Variants in DNAH11 observed in about 807,000 individuals in gnomAD.
DNAH11 encodes the protein dynein axonemal heavy chain 11.
Under a neutral mutation model 526.0 loss-of-function variants are expected in DNAH11, and 442 were observed. The observed-to-expected ratio is 0.84, with a 90% CI of 0.78 to 0.91. The LOEUF (loss-of-function observed/expected upper bound fraction) is 0.91. Among genes scored for constraint, DNAH11 ranks in the 40% least tolerant of loss-of-function variants. The probability of loss-of-function intolerance (pLI) is 0.00; values close to 1 mark genes in which losing one functional copy is unlikely to be tolerated. For missense variants in DNAH11, 6,989 were observed against 5,448.7 expected (o/e 1.28, Z -8.90); for synonymous variants, 2,461 against 1,935.9 (o/e 1.27, Z -7.12).
chr7:21,678,152 A>C (rs1782978854), intron 30 of DNAH11, among the ~76,000 whole-genome samples: 1 of 150,196 alleles, frequency 6.7e-6, no homozygotes, highest in African/African-American at 2.4e-5. Flanking sequence ...GTCAAGACCA[A>C]AGTCATGAAG....
intron 39 of DNAH11, among the ~76,000 whole-genome samples, chr7:21,706,939 T>A (rs1015295572): frequency 6.6e-6 from 1 of 152,202 alleles, no homozygotes; most frequent in African/African-American, 2.4e-5. Flanking sequence ...ACCTGTTCTG[T>A]GAGTTCTCAT....
At chr7:21,697,383 T>A (rs1280605067) in intron 35 of DNAH11, among the ~76,000 whole-genome samples, 1 of 152,160 alleles carries the variant, frequency 6.6e-6, no homozygotes, top group African/African-American at 2.4e-5. Context: ...TGGCAGTGGC[T>A]GGCACAAGCT....
At chr7:21,814,808 C>T (rs1370090601) in intron 63 of DNAH11, among the ~76,000 whole-genome samples, 1 of 151,844 alleles carries the variant, frequency 6.6e-6, no homozygotes, top group African/African-American at 2.4e-5. Context: ...TGCTTATTTT[C>T]CTCACCCTAC....
intron 7 of DNAH11, among the ~76,000 whole-genome samples, chr7:21,571,213 A>T (rs1014080999): frequency 3.9e-5 from 6 of 152,156 alleles, no homozygotes; most frequent in Non-Finnish European, 7.4e-5. Context: ...GTTTAGGAAG[A>T]TATAAAATTG....
chr7:21,864,893 T>C (rs1300414836), intron 70 of DNAH11, among the ~76,000 whole-genome samples: 1 of 152,246 alleles, frequency 6.6e-6, no homozygotes, highest in Non-Finnish European at 1.5e-5. Context: ...AATAAATATG[T>C]ACAATCTGTC....
chr7:21,619,323 A>G lies in DNAH11; in HGVS notation c.4377+101A>G. ...TCCTTTTGATGTCCTGGGAGCCTGG[A>G]GAGATGAGTCCCAGTTTGTTCCCTG... On this transcript the variant is annotated intron_variant, in intron 24 of 81. Transcript: ENST00000409508. The G allele has an allele frequency of 4.4e-6, 6 of 1,375,532 alleles. No homozygotes were observed. The Middle Eastern group carries it at 7.5e-4, about 171-fold the overall frequency. The allele number at this position is 1,375,532 out of a possible 1,614,324, so 85.2% of individuals were successfully genotyped here.
chr7:21,694,394 C>T (rs1389023868), intron 35 of DNAH11, among the ~76,000 whole-genome samples: 3 of 152,102 alleles, frequency 2.0e-5, no homozygotes, highest in Non-Finnish European at 4.4e-5. Context: ...GTTCCCCTCC[C>T]TGCGTCCATG....
chr7:21,763,912 A>T (rs1300513032), intron 54 of DNAH11, among the ~76,000 whole-genome samples: 1 of 151,892 alleles, frequency 6.6e-6, no homozygotes, highest in Non-Finnish European at 1.5e-5. Context: ...CGAGGACATC[A>T]TGCTAAGTGA....
intron 2 of DNAH11, among the ~76,000 whole-genome samples, chr7:21,553,400 C>T (rs961982093): frequency 2.0e-5 from 3 of 152,188 alleles, no homozygotes; most frequent in East Asian, 1.9e-4. Context: ...CCCTTTTACC[C>T]GACACTATCA....
At chr7:21,608,252 A>G (rs1785383124) in intron 20 of DNAH11, among the ~76,000 whole-genome samples, 1 of 152,232 alleles carries the variant, frequency 6.6e-6, no homozygotes, top group Non-Finnish European at 1.5e-5. Context: ...CAAAGAATCC[A>G]AATGGTAAGT....
At chr7:21,758,386 C>A (rs1469580355) in intron 54 of DNAH11, among the ~76,000 whole-genome samples, 3 of 152,020 alleles carry the variant, frequency 2.0e-5, no homozygotes, top group African/African-American at 7.2e-5. Context: ...TTTTATTTTA[C>A]CCAGAAAAGT....
At chr7:21,653,881 C>T (rs1781895103) in intron 28 of DNAH11, among the ~76,000 whole-genome samples, 1 of 152,168 alleles carries the variant, frequency 6.6e-6, no homozygotes, top group Non-Finnish European at 1.5e-5. Context: ...TAAGGAAGTT[C>T]CTTGCCAATA....
intron 65 of DNAH11, among the ~76,000 whole-genome samples, chr7:21,839,739 C>T (rs1057144400): frequency 1.3e-5 from 2 of 152,076 alleles, no homozygotes; most frequent in Admixed American, 6.5e-5. Flanking sequence ...ATAAATTCAC[C>T]ATTCAACTAA....
intron 25 of DNAH11, among the ~76,000 whole-genome samples, chr7:21,624,514 T>C (rs1786240517): frequency 6.6e-6 from 1 of 152,200 alleles, no homozygotes; most frequent in African/African-American, 2.4e-5. Flanking sequence ...ACAGACACAC[T>C]TTCACTTCTT....
intron 57 of DNAH11, among the ~76,000 whole-genome samples, chr7:21,780,804 T>C (rs149880508): frequency 6.6e-6 from 1 of 152,338 alleles, no homozygotes; most frequent in Non-Finnish European, 1.5e-5. Flanking sequence ...ATAACAAATA[T>C]TAACATCTAT....
At chr7:21,626,488 C>T (rs1786339320) in intron 25 of DNAH11, among the ~76,000 whole-genome samples, 1 of 152,086 alleles carries the variant, frequency 6.6e-6, no homozygotes, top group Non-Finnish European at 1.5e-5. Context: ...AGTGGAATTG[C>T]TGGATTACAT....
intron 76 of DNAH11, among the ~76,000 whole-genome samples, chr7:21,891,997 CTAAAA>C (rs1784342344): frequency 6.6e-6 from 1 of 152,154 alleles, no homozygotes; most frequent in Admixed American, 6.5e-5. Context: ...CAGAGTCCTA[CTAAAA>C]TGAGTTCAGA....
At chr7:21,617,919 T>G (rs765739120) in intron 23 of DNAH11, 142 bp downstream of exon 23, 17 of 985,278 alleles carry the variant, frequency 1.7e-5, no homozygotes, top group Admixed American at 3.3e-5. Context: ...GCCTTTTTGC[T>G]GTCTAGAAAA....
In DNAH11 at chr7:21,543,349, T is replaced by G. The variant is rs1307384309; in HGVS notation, c.104T>G (p.Leu35Arg). 4 of 1,551,010 alleles carry G rather than the reference T, an allele frequency of 2.6e-6. No individual in the cohort carries two copies. Among genetic ancestry groups the G allele is most frequent in the Non-Finnish European group, 1.7e-6 (2 of 1,146,806 alleles). ...CTGGAGGCAGTGGGCGCTGTGGAGC[T>G]CGAGGAGGAGGAGGAGAACGAGGAG... ...AGLEAVGAVE[L>R]EEEEENEEEA... Residue 35 changes from leucine (L) to arginine (R), a missense_variant, in exon 1 of 82, where the codon CTC (leucine) becomes CGC (arginine). By Grantham distance (102) the Leu-to-Arg change is moderately radical (BLOSUM62 -2). Coordinates refer to ENST00000409508, the MANE Select transcript of DNAH11 (RefSeq NM_001277115.2).
Sources: gnomAD v4.1 joint callset for allele counts (sites outside exome capture counted in the v4.1 genomes callset) on GRCh38, gnomAD v4.1.1 for gene constraint, MANE v1.5 for transcripts, NCBI Gene and HGNC (gene_info 2026-07-23, HGNC 2026-07-21) for gene names.